PLXDC1: variants seen among roughly 807,000 people sequenced by gnomAD.
The protein encoded by PLXDC1 is plexin domain-containing protein 1.
PLXDC1 carries 39 observed loss-of-function variants against 61.3 expected under a neutral mutation model. The observed-to-expected ratio is 0.64, with a 90% CI of 0.49 to 0.83. The LOEUF is 0.83. PLXDC1 is among the 40% of genes least tolerant of loss of function. The pLI is 0.00. For synonymous variants in PLXDC1, 212 were observed against 254.5 expected (o/e 0.83, Z 1.59); for missense variants, 596 against 666.5 (o/e 0.89, Z 1.17).
intron 7 of PLXDC1, among the ~76,000 whole-genome samples, chr17:39,103,382 A>G (rs763652922): frequency 5.3e-5 from 8 of 152,068 alleles, no homozygotes; most frequent in Non-Finnish European, 1.2e-4. Context: ...TCTCCAAAAA[A>G]AAATTTAAAA....
At chr17:39,092,998 C>T (rs1567758575) in intron 7 of PLXDC1, among the ~76,000 whole-genome samples, 1 of 152,240 alleles carries the variant, frequency 6.6e-6, no homozygotes, top group Non-Finnish European at 1.5e-5. Context: ...CCAGCACACC[C>T]CTGCTGAGAG....
intron 2 of PLXDC1, among the ~76,000 whole-genome samples, chr17:39,134,638 A>AT (rs1911679819): frequency 6.8e-6 from 1 of 147,570 alleles, no homozygotes; most frequent in South Asian, 2.1e-4. Context: ...AAAAAAAAAA[A>AT]AGAAAAAGAA....
intron 11 of PLXDC1, among the ~76,000 whole-genome samples, chr17:39,075,666 T>C (rs1010591870): frequency 3.9e-5 from 6 of 152,328 alleles, no homozygotes; most frequent in African/African-American, 1.4e-4. Flanking sequence ...GGGCATATAG[T>C]TGGTCCCCAC....
chr17:39,090,499 G>A (rs1299247298), intron 7 of PLXDC1, among the ~76,000 whole-genome samples: 1 of 152,176 alleles, frequency 6.6e-6, no homozygotes, highest in African/African-American at 2.4e-5. Context: ...CCCCCGGAGG[G>A]TGACCACACA....
At chr17:39,123,010 G>A (rs550875098) in intron 2 of PLXDC1, among the ~76,000 whole-genome samples, 3 of 152,262 alleles carry the variant, frequency 2.0e-5, no homozygotes, top group South Asian at 2.1e-4. Context: ...CCCGTGAAGC[G>A]CTCCTCAGAC....
intron 8 of PLXDC1, among the ~76,000 whole-genome samples, chr17:39,083,884 A>C (rs1909651631): frequency 6.8e-6 from 1 of 147,792 alleles, no homozygotes; most frequent in African/African-American, 2.5e-5. Flanking sequence ...TCTGTCCCTC[A>C]CTCCCTTGTT....
At chr17:39,098,811 G>A (rs1910317770) in intron 7 of PLXDC1, among the ~76,000 whole-genome samples, 1 of 152,152 alleles carries the variant, frequency 6.6e-6, no homozygotes, top group South Asian at 2.1e-4. Context: ...GATGTGGACA[G>A]CCCTTAGCAT....
rs185169269 is a variant in PLXDC1, at chr17:39,100,753, C to T, written c.811+5101G>A. Among the ~76,000 whole-genome samples the T allele has an allele frequency of 4.6e-5, 7 of 152,336 alleles. No homozygotes were observed. In the East Asian group the frequency reaches 1.4e-3, roughly 29 times the overall value. On this transcript the variant is annotated intron_variant, in intron 7 of 13. Transcript: ENST00000315392. ...TACGGAGATGATTTAACAACTGGCT[C>T]AACACAGGCGTTTACCAACCAGTCA...
chr17:39,097,866 C>T (rs1288481503), intron 7 of PLXDC1, among the ~76,000 whole-genome samples: 3 of 145,350 alleles, frequency 2.1e-5, no homozygotes, highest in African/African-American at 7.7e-5. Flanking sequence ...TGTGCTACTG[C>T]ACTTCGGCCT....
At chr17:39,095,183 T>G (rs1372835323) in intron 7 of PLXDC1, among the ~76,000 whole-genome samples, 1 of 146,792 alleles carries the variant, frequency 6.8e-6, no homozygotes, top group East Asian at 2.0e-4. Flanking sequence ...AGCTGTCCTC[T>G]GAAAATACAG....
At chr17:39,113,063 T>C (rs1352081118) in intron 2 of PLXDC1, 2 of 152,190 alleles carry the variant, frequency 1.3e-5, no homozygotes, top group Non-Finnish European at 2.9e-5. Flanking sequence ...CTAAATCCAA[T>C]GACCGGTGTC....
At chr17:39,097,714 TAATAAATAAATA>T (rs147959612) in intron 7 of PLXDC1, among the ~76,000 whole-genome samples, 1,619 of 145,952 alleles carry the variant, frequency 0.011, 18 homozygotes, top group Non-Finnish European at 0.015. Context: ...TCTTTACAAA[TAATAAATAAATA>T]AATAAATAAA....
chr17:39,095,906 C>G (rs1259521654), intron 7 of PLXDC1, among the ~76,000 whole-genome samples: 1 of 152,148 alleles, frequency 6.6e-6, no homozygotes, highest in Admixed American at 6.5e-5. Context: ...CTCAAACGAT[C>G]CACCCGCCTC....
At chr17:39,139,881 T>G in intron 1 of PLXDC1, 49 bp from the exon 2 acceptor site, 1 of 1,533,988 alleles carries the variant, frequency 6.5e-7, no homozygotes, top group Middle Eastern at 1.7e-4. Flanking sequence ...GGAATGAAGA[T>G]CAGGAGGGGA....
chr17:39,125,289 G>A (rs750794262), intron 2 of PLXDC1, among the ~76,000 whole-genome samples: 11 of 152,340 alleles, frequency 7.2e-5, no homozygotes, highest in Admixed American at 3.3e-4. Context: ...GATCCAGGCT[G>A]GACAAAGAGC....
chr17:39,075,147 C>A (rs1283200718), intron 11 of PLXDC1, among the ~76,000 whole-genome samples: 5 of 152,114 alleles, frequency 3.3e-5, no homozygotes, highest in Non-Finnish European at 5.9e-5. Context: ...TTTGTAGAGA[C>A]ATAGTTTTGC....
rs1034113160 is a variant in PLXDC1, at chr17:39,151,549, C to A, written c.-112G>T. Reference sequence around the variant, plus strand: ...TCCCCGGGGCTGGCGGAGGGGCGGGCGGCGAGGAGACGGCGGAGCGCGGGG... The same window carrying A: ...TCCCCGGGGCTGGCGGAGGGGCGGGAGGCGAGGAGACGGCGGAGCGCGGGG... On this transcript the variant is annotated 5_prime_UTR_variant, in exon 1 of 14. Transcript: ENST00000315392. The surrounding 1 kb of genome is among the most constrained non-coding windows in gnomAD (Gnocchi z 5.2). The A allele has an allele frequency of 5.1e-5, 61 of 1,207,878 alleles. No homozygotes were observed. Among genetic ancestry groups the A allele is most frequent in the Non-Finnish European group, 6.0e-5 (58 of 972,664 alleles). The allele number at this position is 1,207,878 out of a possible 1,614,324, so 74.8% of individuals were successfully genotyped here.
intron 7 of PLXDC1, chr17:39,096,811 T>G (rs4795348): frequency 0.29 from 121,975 of 415,436 alleles, 19,126 homozygotes; most frequent in Admixed American, 0.49. Context: ...AAGAGTTTCT[T>G]AAGCAAATGA....
chr17:39,112,646 T>C (rs1272856783), intron 2 of PLXDC1, among the ~76,000 whole-genome samples: 2 of 151,936 alleles, frequency 1.3e-5, no homozygotes, highest in African/African-American at 4.8e-5. Flanking sequence ...AAATGTTTGT[T>C]TGCCCCTGAA....
Sources: allele counts gnomAD v4.1 joint callset (sites outside exome capture counted in the v4.1 genomes callset), GRCh38; gene constraint gnomAD v4.1.1; non-coding constraint Gnocchi (gnomAD v3.1); transcripts MANE v1.5; gene names NCBI Gene and HGNC (gene_info 2026-07-23, HGNC 2026-07-21).